The following SLC35D1 variants were observed in gnomAD, a reference collection of about 807,000 sequenced individuals.
SLC35D1 encodes the protein solute carrier family 35 member D1, also known as nucleotide sugar transporter SLC35D1.
SLC35D1 carries 31 observed loss-of-function variants against 46.7 expected under a neutral mutation model. The ratio of observed to expected loss-of-function variants is 0.66; its 90% CI spans 0.50 to 0.90. The LOEUF (loss-of-function observed/expected upper bound fraction) is 0.90, where lower values mean the gene tolerates loss of function less well. Among genes scored for constraint, SLC35D1 ranks in the 40% least tolerant of loss-of-function variants. The pLI is 0.00. For missense variants in SLC35D1, 397 were observed against 426.2 expected, an observed-to-expected ratio of 0.93 and a Z score of 0.60; for synonymous variants, 195 against 164.6, an observed-to-expected ratio of 1.18 and a Z score of -1.41.
chr1:66,981,449 T>G, the SLC35D1 span, among the ~76,000 whole-genome samples: 1 of 152,238 alleles, frequency 6.6e-6, no homozygotes, highest in Non-Finnish European at 1.5e-5. Context: ...GTACTTTTAC[T>G]AGACATCACC....
rs751947355 is a variant in SLC35D1 at position 67,004,312 on chromosome 1, C to CT, written c.*27dup. 1 of 1,596,352 alleles carries CT rather than the reference C, an allele frequency of 6.3e-7. No homozygotes were observed. The highest frequency in any genetic ancestry group is 1.1e-5 in the South Asian group (1 of 90,718). ...TTCTGAGTTGATTAAAAACTTAGGC[C>CT]TACGTATCAGATGAAGCAATCCTCT... On this transcript the variant is annotated 3_prime_UTR_variant, in exon 12 of 12. Coordinates refer to ENST00000235345, the MANE Select transcript of SLC35D1 (RefSeq NM_015139.3).
chr1:66,986,047 TAAAC>T, the SLC35D1 span: 14 of 1,003,652 alleles, frequency 1.4e-5, no homozygotes, highest in African/African-American at 2.1e-4. Context: ...CTGCATTAAA[TAAAC>T]AGAGGAGGGG....
intron 8 of SLC35D1, among the ~76,000 whole-genome samples, chr1:67,041,714 G>C (rs1645184448): frequency 6.6e-6 from 1 of 152,000 alleles, no homozygotes; most frequent in South Asian, 2.1e-4. Context: ...GCAGAAAATT[G>C]GTAAACTACT....
chr1:67,016,976 G>A (rs1032518131), intron 10 of SLC35D1, among the ~76,000 whole-genome samples: 1 of 152,104 alleles, frequency 6.6e-6, no homozygotes, highest in Non-Finnish European at 1.5e-5. Context: ...AAGGGACCTC[G>A]AGTTATTTTA....
intron 8 of SLC35D1, among the ~76,000 whole-genome samples, chr1:67,026,842 C>T (rs1667923978): frequency 6.6e-6 from 1 of 152,106 alleles, no homozygotes; most frequent in South Asian, 2.1e-4. Context: ...GCAGAAGGCA[C>T]CTCTTCACAG....
chr1:67,036,449 C>T (rs543218189), intron 8 of SLC35D1, among the ~76,000 whole-genome samples: 76 of 151,946 alleles, frequency 5.0e-4, no homozygotes, highest in African/African-American at 1.7e-3. Flanking sequence ...AAAATATATC[C>T]GGGTGTTCCA....
the SLC35D1 span, chr1:66,986,074 C>G: frequency 8.7e-6 from 9 of 1,035,010 alleles, no homozygotes; most frequent in Non-Finnish European, 1.0e-5. Flanking sequence ...TCAAGTGATA[C>G]TTAGATATTG....
At chr1:67,048,017 A>G (rs567384006) in intron 6 of SLC35D1, among the ~76,000 whole-genome samples, 1 of 152,372 alleles carries the variant, frequency 6.6e-6, no homozygotes, top group Admixed American at 6.5e-5. Flanking sequence ...AGAATAAATG[A>G]AAATCTGAGA....
At chr1:67,053,730 A>T (rs1012947399) in intron 1 of SLC35D1, 81 bp downstream of exon 1, 9 of 1,286,814 alleles carry the variant, frequency 7.0e-6, no homozygotes, top group Non-Finnish European at 8.1e-6. Context: ...TTTGGCAGTC[A>T]AAGTCCAGGG....
intron 10 of SLC35D1, among the ~76,000 whole-genome samples, chr1:67,014,670 G>GTTTTTTTTTTTTTTTTTT (rs34459732): frequency 1.0e-5 from 1 of 99,986 alleles, no homozygotes; most frequent in African/African-American, 3.8e-5. Context: ...TCAATTTTTA[G>GTTTTTTTTTTTTTTTTTT]TTTTTTTTTT....
intron 10 of SLC35D1, among the ~76,000 whole-genome samples, chr1:67,009,692 C>T (rs1039272632): frequency 3.7e-5 from 2 of 53,988 alleles, no homozygotes; most frequent in East Asian, 8.6e-4. Context: ...CAGATGTTGG[C>T]GAGGTTGAGA....
At chr1:67,042,877 A>G (rs1645208479) in intron 7 of SLC35D1, among the ~76,000 whole-genome samples, 1 of 152,176 alleles carries the variant, frequency 6.6e-6, no homozygotes, top group Non-Finnish European at 1.5e-5. Flanking sequence ...CAGCATGGGC[A>G]ACATGGTGAA....
chr1:67,037,980 C>T (rs1210450277), intron 8 of SLC35D1, among the ~76,000 whole-genome samples: 1 of 152,120 alleles, frequency 6.6e-6, no homozygotes, highest in Non-Finnish European at 1.5e-5. Flanking sequence ...CTACACATTC[C>T]AGCTTGCCAA....
rs71058490 is a variant in SLC35D1 at position 67,000,108 on chromosome 1, GAA to G, written c.*4230_*4231del. The G allele has an allele frequency of 0.14, 17,519 of 123,882 alleles. 2,628 individuals are homozygous for G. Among genetic ancestry groups the G allele is most frequent in the African/African-American group, 0.39 (14,196 of 35,980 alleles). 7.7% of individuals were successfully genotyped at this position (123,882 alleles called of 1,614,324 possible). On this transcript the variant is annotated 3_prime_UTR_variant, in exon 12 of 12. Coordinates refer to ENST00000235345, the MANE Select transcript of SLC35D1 (RefSeq NM_015139.3). ...ACAGAGTGAGACCCTGTCTTTACCA[GAA>G]AAAAAAAAAAAAAGGAAGAAACGAG...
Position 67,004,113 on chromosome 1 carries a change from C to G in SLC35D1, c.*227G>C, listed in dbSNP as rs573808923. ...TAAATTAAAAAGCCCAGTACCTTTT[C>G]CAGTCTGATATAAATTAATTCAAAC... On this transcript the variant is annotated 3_prime_UTR_variant, in exon 12 of 12. Coordinates refer to ENST00000235345, the MANE Select transcript of SLC35D1 (RefSeq NM_015139.3). 2.0e-6 allele frequency: 1 copy of G among 493,974 alleles called. No homozygotes were observed. The highest frequency in any genetic ancestry group is 3.8e-5 in the East Asian group (1 of 26,412). The allele number at this position is 493,974 out of a possible 1,614,324, so 30.6% of individuals were successfully genotyped here. A position where few individuals can be genotyped will look rare whatever the true frequency, so the allele number is the denominator to read the frequency against.
the SLC35D1 span, among the ~76,000 whole-genome samples, chr1:66,975,261 T>A: frequency 6.6e-6 from 1 of 152,228 alleles, no homozygotes; most frequent in African/African-American, 2.4e-5. Flanking sequence ...GTGCAGTGGC[T>A]CATGCCTGTT....
At chr1:66,994,434 A>T (rs946826724), downstream of SLC35D1, among the ~76,000 whole-genome samples, 2 of 152,144 alleles carry the variant, frequency 1.3e-5, no homozygotes, top group Non-Finnish European at 2.9e-5. Context: ...ACTTGAGGTC[A>T]GGAGTTCGAG....
At chr1:67,036,777 T>C (rs963129885) in intron 8 of SLC35D1, among the ~76,000 whole-genome samples, 1 of 151,980 alleles carries the variant, frequency 6.6e-6, no homozygotes, top group African/African-American at 2.4e-5. Context: ...GTTTAGTCCA[T>C]TTACATTCAA....
intron 10 of SLC35D1, among the ~76,000 whole-genome samples, chr1:67,014,557 A>G (rs1415579647): frequency 6.6e-6 from 1 of 151,990 alleles, no homozygotes; most frequent in Non-Finnish European, 1.5e-5. Flanking sequence ...GTTAGTACTC[A>G]CAAATTAAAT....
Sources: allele counts gnomAD v4.1 joint callset (sites outside exome capture counted in the v4.1 genomes callset), GRCh38; gene constraint gnomAD v4.1.1; transcripts MANE v1.5; gene names NCBI Gene and HGNC (gene_info 2026-07-23, HGNC 2026-07-21).